The following SCIN variants were observed in gnomAD, a reference collection of about 807,000 sequenced individuals.
The protein encoded by SCIN is adseverin.
A neutral mutation model predicts 91.8 loss-of-function variants in SCIN; 91 were observed. The observed-to-expected ratio is 0.99, with a 90% CI of 0.84 to 1.18. The LOEUF is 1.18. Ranked by LOEUF, SCIN falls within the 50% of genes most tolerant of loss-of-function variation. The pLI is 0.00. For synonymous variants in SCIN, 367 were observed against 312.6 expected (o/e 1.17, Z -1.84); for missense variants, 1,087 against 863.9 (o/e 1.26, Z -3.24).
chr7:12,615,745 A>G (rs554903722), intron 4 of SCIN, among the ~76,000 whole-genome samples: 2 of 152,190 alleles, frequency 1.3e-5, no homozygotes, highest in South Asian at 2.1e-4. Flanking sequence ...TGTATAGCAT[A>G]GAAGTTATGC....
At position 12,644,704 on chromosome 7, in the gene SCIN, T is replaced by C. The variant is rs1359401922; in HGVS notation, c.1880T>C (p.Val627Ala). The change falls in exon 13 of 16, where the codon GTT becomes GCT. Residue 627 changes from valine (V) to alanine (A), a missense_variant and splice_region_variant. Physicochemically the swap from Val to Ala is moderately conservative, Grantham distance 64. Transcript: ENST00000297029. ...YGCSNKTGRFVIEEIPGEFTQ... is the reference protein window; with the variant it reads ...YGCSNKTGRFAIEEIPGEFTQ... Reference sequence around the variant, plus strand: ...TGCTCTAACAAAACTGGAAGATTTGTTGTAAGTGTCCTTAAAAATAGTGCG... The same window carrying C: ...TGCTCTAACAAAACTGGAAGATTTGCTGTAAGTGTCCTTAAAAATAGTGCG... The C allele has an allele frequency of 2.6e-6, 4 of 1,558,698 alleles. No homozygotes were observed. Among genetic ancestry groups the C allele is most frequent in the Non-Finnish European group, 3.5e-6 (4 of 1,150,878 alleles).
At chr7:12,613,344 G>T (rs1170176380) in intron 4 of SCIN, among the ~76,000 whole-genome samples, 1 of 152,054 alleles carries the variant, frequency 6.6e-6, no homozygotes, top group Non-Finnish European at 1.5e-5. Context: ...CATTCATTTT[G>T]TAAATTAGTT....
intron 3 of SCIN, among the ~76,000 whole-genome samples, chr7:12,598,630 T>C (rs919848104): frequency 2.0e-5 from 3 of 152,226 alleles, no homozygotes; most frequent in Non-Finnish European, 2.9e-5. Context: ...CAGTGGCTCA[T>C]GCCTGTAACC....
intron 4 of SCIN, among the ~76,000 whole-genome samples, chr7:12,612,763 T>G (rs1783222627): frequency 6.6e-6 from 1 of 152,178 alleles, no homozygotes; most frequent in South Asian, 2.1e-4. Flanking sequence ...ATTCATCCAG[T>G]GGGGGAAGTT....
Position 12,625,090 on chromosome 7 carries a change from A to G in SCIN, c.840A>G (p.Glu280=). Residue 280 remains glutamate (E), a synonymous_variant, in exon 6 of 16, where the codon GAA becomes GAG. Coordinates refer to ENST00000297029, the MANE Select transcript of SCIN (RefSeq NM_001112706.3). ...NPFSMAMLLS[E]ECFILDHGAA... ...TCTCAATGGCAATGCTGCTGTCTGA[A>G]GAATGCTTTATTTTGGACCACGGGG... The G allele has an allele frequency of 6.2e-7, 1 of 1,607,574 alleles. No homozygotes were observed. Among genetic ancestry groups the G allele is most frequent in the South Asian group, 1.1e-5 (1 of 89,236 alleles).
intron 3 of SCIN, chr7:12,596,266 C>A: frequency 2.4e-6 from 1 of 422,934 alleles, no homozygotes; most frequent in Non-Finnish European, 4.7e-6. Context: ...CTTCCTTTTT[C>A]CAGTGGCGTG....
At chr7:12,628,030 CGCGTGT>C (rs1386218726) in intron 8 of SCIN, among the ~76,000 whole-genome samples, 1,078 of 81,144 alleles carry the variant, frequency 0.013, 21 homozygotes, top group African/African-American at 0.044. Flanking sequence ...CAAGTGTGCG[CGCGTGT>C]GTGTGTGTGT....
intron 4 of SCIN, among the ~76,000 whole-genome samples, chr7:12,606,630 A>G (rs578084317): frequency 2.6e-5 from 4 of 152,318 alleles, no homozygotes; most frequent in African/African-American, 9.6e-5. Context: ...ATATTATACT[A>G]ACATATAATA....
chr7:12,649,469 T>C lies in SCIN; in HGVS notation c.1884T>C (p.Ile628=), dbSNP rs779066270. The C allele has an allele frequency of 1.9e-6, 3 of 1,591,662 alleles. No homozygotes were observed. The highest frequency in any genetic ancestry group is 3.5e-5 in the Admixed American group (2 of 57,018). Residue 628 remains isoleucine, a splice_region_variant and synonymous_variant, in exon 14 of 16, where the codon ATT becomes ATC. Transcript: ENST00000297029. ...GCSNKTGRFV[I]EEIPGEFTQD... The stretch of plus-strand genomic sequence containing the variant: ...ATATAGCTTTTTATACCTTTCAGAT[T>C]GAAGAGATTCCAGGAGAGTTCACCC...
rs1482997686 is a variant in SCIN, at chr7:12,657,167, C to T, written c.*4452C>T. 6.7e-6 allele frequency: 1 copy of T among 149,920 alleles called. No individual in the cohort carries two copies. The highest frequency in any genetic ancestry group is 1.5e-5 in the Non-Finnish European group (1 of 67,634). 9.3% of individuals were successfully genotyped at this position (149,920 alleles called of 1,614,324 possible). A position where few individuals can be genotyped will look rare whatever the true frequency, so the allele number is the denominator to read the frequency against. ...CAGAAATCCCACTCCATGGTGTGTA[C>T]CCAACAAAAATGCATACATGTGTGT... On this transcript the variant is annotated 3_prime_UTR_variant, in exon 16 of 16. Transcript: ENST00000297029.
intron 4 of SCIN, among the ~76,000 whole-genome samples, chr7:12,615,154 G>A (rs1783273090): frequency 6.6e-6 from 1 of 152,152 alleles, no homozygotes; most frequent in Non-Finnish European, 1.5e-5. Flanking sequence ...TGCCAGAAAT[G>A]TTTGATAATT....
At position 12,578,089 on chromosome 7, in the gene SCIN, C is replaced by T. The variant is rs1782412369; in HGVS notation, c.225C>T (p.Ser75=). ...WLGKECSQDE[S]TAAAIFTVQM... ...GAAAGGAGTGTTCCCAGGATGAAAG[C>T]ACAGCTGCTGCCATCTTCACTGTTC... Residue 75 remains serine, a synonymous_variant, in exon 2 of 16, where the codon AGC becomes AGT. Coordinates refer to ENST00000297029, the MANE Select transcript of SCIN (RefSeq NM_001112706.3). The T allele has an allele frequency of 6.5e-7, 1 of 1,546,952 alleles. No individual in the cohort carries two copies. The highest frequency in any genetic ancestry group is 1.4e-5 in the African/African-American group (1 of 72,660).
intron 13 of SCIN, among the ~76,000 whole-genome samples, chr7:12,645,575 A>T (rs1783949624): frequency 6.6e-6 from 1 of 152,076 alleles, no homozygotes; most frequent in African/African-American, 2.4e-5. Flanking sequence ...TGTTGTACAG[A>T]TTATTTCATC....
In SCIN at chr7:12,644,567, G is replaced by C; in HGVS notation, c.1760-17G>C. On this transcript the variant is annotated splice_polypyrimidine_tract_variant and intron_variant, in intron 12 of 15. Coordinates refer to ENST00000297029, the MANE Select transcript of SCIN (RefSeq NM_001112706.3). Reference sequence around the variant, plus strand: ...GTCCCTGAAAATGCACTGGATAACTGAGTGTGTTTTCCACAGAGGAGTTCT... The same window carrying C: ...GTCCCTGAAAATGCACTGGATAACTCAGTGTGTTTTCCACAGAGGAGTTCT... 1 of 1,612,450 alleles carries C rather than the reference G, an allele frequency of 6.2e-7. No homozygotes were observed. Among genetic ancestry groups the C allele is most frequent in the Non-Finnish European group, 8.5e-7 (1 of 1,179,318 alleles).
At chr7:12,593,078 A>G (rs1782760289) in intron 3 of SCIN, among the ~76,000 whole-genome samples, 2 of 152,232 alleles carry the variant, frequency 1.3e-5, no homozygotes, top group South Asian at 4.1e-4. Flanking sequence ...TTGAGAGGAC[A>G]GTCAGACTTC....
chr7:12,570,984 C>T lies in SCIN; in HGVS notation c.198C>T (p.Leu66=), dbSNP rs781208128. Residue 66 remains leucine (L), a splice_region_variant and synonymous_variant, in exon 1 of 16, where the codon CTC becomes CTT. Coordinates refer to ENST00000297029, the MANE Select transcript of SCIN (RefSeq NM_001112706.3). ...RGFTYHLHFW[L]GKECSQDEST... ...TCACCTACCACCTGCACTTCTGGCT[C>T]GGTAAGGGACGGCGGGCGGCGGGAC... 5.2e-6 allele frequency: 8 copies of T among 1,547,486 alleles called. No individual in the cohort carries two copies. In the South Asian group the frequency reaches 7.2e-5, roughly 14 times the overall value.
At chr7:12,597,371 G>T (rs962888257) in intron 3 of SCIN, among the ~76,000 whole-genome samples, 1 of 152,164 alleles carries the variant, frequency 6.6e-6, no homozygotes, top group African/African-American at 2.4e-5. Flanking sequence ...CTGGCCTCAC[G>T]TTCTCCTTTA....
intron 8 of SCIN, among the ~76,000 whole-genome samples, chr7:12,627,806 G>A (rs1417951951): frequency 6.6e-6 from 1 of 152,250 alleles, no homozygotes; most frequent in East Asian, 1.9e-4. Context: ...AGCACCAGCT[G>A]TGTCCTGGCT....
intron 3 of SCIN, among the ~76,000 whole-genome samples, chr7:12,586,498 A>C (rs571850101): frequency 5.9e-5 from 9 of 152,318 alleles, no homozygotes; most frequent in African/African-American, 2.2e-4. Context: ...AAATTACTAC[A>C]GCCATTATGA....
Sources: allele counts gnomAD v4.1 joint callset (sites outside exome capture counted in the v4.1 genomes callset), GRCh38; gene constraint gnomAD v4.1.1; transcripts MANE v1.5; gene names NCBI Gene and HGNC (gene_info 2026-07-23, HGNC 2026-07-21).